Variants in OR3A2 observed in about 807,000 individuals in gnomAD.
OR3A2 encodes the protein olfactory receptor 3A2.
For synonymous variants in OR3A2, 126 were observed against 159.3 expected, an observed-to-expected ratio of 0.79 and a Z score of 1.57; for missense variants, 318 against 392.8, an observed-to-expected ratio of 0.81 and a Z score of 1.61.
chr17:3,324,592 CT>C (rs1394832612), intron 3 of OR3A2, among the ~76,000 whole-genome samples: 1 of 152,116 alleles, frequency 6.6e-6, no homozygotes, highest in Non-Finnish European at 1.5e-5. Context: ...GGACCATCAG[CT>C]GCAGGTCTGT....
chr17:3,352,628 C>T (rs2049430001), intron 2 of OR3A2, among the ~76,000 whole-genome samples: 2 of 151,882 alleles, frequency 1.3e-5, no homozygotes, highest in African/African-American at 2.4e-5. Context: ...TATGCCAGTA[C>T]CATGCTGTTT....
At chr17:3,343,345 T>C (rs759194472) in intron 2 of OR3A2, among the ~76,000 whole-genome samples, 4 of 152,200 alleles carry the variant, frequency 2.6e-5, no homozygotes, top group Non-Finnish European at 4.4e-5. Context: ...GTGTCGATCA[T>C]GCTGGAAGCT....
intron 2 of OR3A2, among the ~76,000 whole-genome samples, chr17:3,343,959 G>A (rs1351961101): frequency 6.6e-6 from 1 of 152,190 alleles, no homozygotes; most frequent in African/African-American, 2.4e-5. Context: ...CAAAGAAGCA[G>A]AAGGAGGGGT....
At chr17:3,288,899 T>C (rs182223282), upstream of OR3A2, among the ~76,000 whole-genome samples, 3 of 152,364 alleles carry the variant, frequency 2.0e-5, no homozygotes, top group East Asian at 5.8e-4. Flanking sequence ...TCAGTATTAT[T>C]GGCAGTCGCA....
At chr17:3,347,151 T>C (rs2049371778) in intron 2 of OR3A2, among the ~76,000 whole-genome samples, 1 of 152,210 alleles carries the variant, frequency 6.6e-6, no homozygotes, top group Non-Finnish European at 1.5e-5. Context: ...TTTACATTTC[T>C]ACCAATGGTG....
At chr17:3,354,220 C>T (rs1417485104) in intron 2 of OR3A2, among the ~76,000 whole-genome samples, 2 of 147,622 alleles carry the variant, frequency 1.4e-5, no homozygotes, top group Non-Finnish European at 3.0e-5. Context: ...AACATTTCCT[C>T]CTCCTCTATT....
chr17:3,310,810 C>T, intron 3 of OR3A2: 1 of 787,340 alleles, frequency 1.3e-6, no homozygotes, highest in Non-Finnish European at 2.1e-6. Context: ...GTTGCCCTGT[C>T]TCCTCTTAAC....
chr17:3,288,139 G>A (rs186061457), upstream of OR3A2, among the ~76,000 whole-genome samples: 5 of 148,694 alleles, frequency 3.4e-5, no homozygotes, highest in Admixed American at 1.4e-4. Flanking sequence ...AAGACAAATG[G>A]GAAATTAGGA....
At chr17:3,289,455 C>T (rs895337299) in intron 3 of OR3A2, among the ~76,000 whole-genome samples, 1 of 152,182 alleles carries the variant, frequency 6.6e-6, no homozygotes, top group Non-Finnish European at 1.5e-5. Flanking sequence ...AGTGGCAAGG[C>T]CAAGACCGAA....
At chr17:3,369,891 C>T (rs181951649) in intron 2 of OR3A2, among the ~76,000 whole-genome samples, 1 of 150,878 alleles carries the variant, frequency 6.6e-6, no homozygotes, top group Non-Finnish European at 1.5e-5. Flanking sequence ...GCAACCTCTG[C>T]TTCACAGGTC....
At chr17:3,336,932 C>T (rs367867811) in intron 2 of OR3A2, among the ~76,000 whole-genome samples, 1 of 152,298 alleles carries the variant, frequency 6.6e-6, no homozygotes, top group Non-Finnish European at 1.5e-5. Flanking sequence ...CCAGTTCTTC[C>T]ACCCCTTTGA....
intron 3 of OR3A2, among the ~76,000 whole-genome samples, chr17:3,330,586 T>C (rs566495409): frequency 1.3e-5 from 2 of 152,148 alleles, no homozygotes; most frequent in Non-Finnish European, 1.5e-5. Context: ...TCCATCCTTT[T>C]ATTTTGAGCC....
At chr17:3,361,378 C>G (rs532818899) in intron 2 of OR3A2, among the ~76,000 whole-genome samples, 1 of 151,700 alleles carries the variant, frequency 6.6e-6, no homozygotes, top group African/African-American at 2.4e-5. Flanking sequence ...AATTTGACTT[C>G]CTCTTTTCCT....
intron 2 of OR3A2, among the ~76,000 whole-genome samples, chr17:3,342,843 A>G (rs191475943): frequency 2.3e-4 from 35 of 152,340 alleles, no homozygotes; most frequent in Non-Finnish European, 4.3e-4. Context: ...TTAAGTCTGC[A>G]GAAGTTTCTG....
intron 2 of OR3A2, among the ~76,000 whole-genome samples, chr17:3,336,531 GT>G (rs1351351873): frequency 6.6e-6 from 1 of 152,144 alleles, no homozygotes; most frequent in Non-Finnish European, 1.5e-5. Context: ...AAACTTAGAT[GT>G]TATGTTCAGT....
chr17:3,359,985 G>A (rs1376826648), intron 2 of OR3A2, among the ~76,000 whole-genome samples: 1 of 151,796 alleles, frequency 6.6e-6, no homozygotes, highest in African/African-American at 2.4e-5. Context: ...AGATCCCTGA[G>A]GAATTGCCAC....
intron 3 of OR3A2, chr17:3,310,001 G>A (rs1328423965): frequency 4.8e-6 from 1 of 209,196 alleles, no homozygotes; most frequent in Non-Finnish European, 9.8e-6. Context: ...TTGGCCTCAG[G>A]AAAATAATTT....
At chr17:3,333,230 C>G (rs756339880) in intron 3 of OR3A2, among the ~76,000 whole-genome samples, 2 of 152,138 alleles carry the variant, frequency 1.3e-5, no homozygotes, top group Non-Finnish European at 2.9e-5. Flanking sequence ...GCCCTGGTCT[C>G]CTGTAGTACT....
At chr17:3,359,476 G>A (rs2049491457) in intron 2 of OR3A2, among the ~76,000 whole-genome samples, 1 of 151,666 alleles carries the variant, frequency 6.6e-6, no homozygotes, top group African/African-American at 2.4e-5. Context: ...TGGTGGTGAT[G>A]AATTCCCTCA....
Sources: allele counts gnomAD v4.1 joint callset (sites outside exome capture counted in the v4.1 genomes callset), GRCh38; gene constraint gnomAD v4.1.1; transcripts MANE v1.5; gene names NCBI Gene and HGNC (gene_info 2026-07-23, HGNC 2026-07-21).